TAF1B: variants seen among roughly 807,000 people sequenced by gnomAD.
TAF1B encodes the protein TATA box-binding protein-associated factor RNA polymerase I subunit B.
Under a neutral mutation model 83.9 loss-of-function variants are expected in TAF1B, and 61 were observed. The ratio of observed to expected loss-of-function variants is 0.73; its 90% CI spans 0.59 to 0.90. The LOEUF (loss-of-function observed/expected upper bound fraction) is 0.90. TAF1B is among the 40% of genes least tolerant of loss of function. The probability of loss-of-function intolerance (pLI) is 0.00; values close to 1 mark genes in which losing one functional copy is unlikely to be tolerated. For synonymous variants in TAF1B, 221 were observed against 224.6 expected, an observed-to-expected ratio of 0.98 and a Z score of 0.14; for missense variants, 625 against 677.0, an observed-to-expected ratio of 0.92 and a Z score of 0.85.
rs184984626 is a variant in TAF1B, at chr2:9,864,969, C to T, written c.400-3307C>T. The stretch of plus-strand genomic sequence containing the variant: ...ATAATAAGAGCTATCTATGACAAGC[C>T]CACAGCCAATATCATACTGAATGGA... On this transcript the variant is annotated intron_variant, in intron 5 of 14. Transcript: ENST00000263663. Among the ~76,000 whole-genome samples, 478 of 152,180 alleles carry T rather than the reference C, an allele frequency of 3.1e-3. 3 individuals carry two copies. The highest frequency in any genetic ancestry group is 0.011 in the African/African-American group (460 of 41,502).
At chr2:9,862,300 A>G (rs1663797881) in intron 5 of TAF1B, among the ~76,000 whole-genome samples, 1 of 152,254 alleles carries the variant, frequency 6.6e-6, no homozygotes, top group Non-Finnish European at 1.5e-5. Context: ...TGAGGAATGC[A>G]CAGTCCTCAC....
chr2:9,849,736 C>T (rs528544405), intron 3 of TAF1B, among the ~76,000 whole-genome samples: 47 of 152,242 alleles, frequency 3.1e-4, no homozygotes, highest in Admixed American at 1.3e-3. Flanking sequence ...AAATCCATTT[C>T]TTGTGTTGAA....
At chr2:9,928,806 CAG>C (rs1193849858) in intron 14 of TAF1B, among the ~76,000 whole-genome samples, 1 of 152,162 alleles carries the variant, frequency 6.6e-6, no homozygotes, top group East Asian at 1.9e-4. Context: ...CATGTACAAA[CAG>C]GGACAATTTG....
At chr2:9,850,439 G>A (rs1195358558) in intron 3 of TAF1B, among the ~76,000 whole-genome samples, 1 of 152,154 alleles carries the variant, frequency 6.6e-6, no homozygotes, top group Non-Finnish European at 1.5e-5. Context: ...TGCAGGAAGA[G>A]GGAGTATATG....
chr2:9,864,855 T>C (rs1194533272), intron 5 of TAF1B, among the ~76,000 whole-genome samples: 3 of 152,132 alleles, frequency 2.0e-5, no homozygotes, highest in African/African-American at 4.8e-5. Context: ...ATTATCTCAA[T>C]AGATGCAGAA....
At position 9,903,473 on chromosome 2, in the gene TAF1B, A is replaced by C. The variant is rs184809894; in HGVS notation, c.808-1386A>C. ...ATTAGGAATGTTTATAAATTGCAAA[A>C]ATACAAATGGTATATGCAAAAAACT... On this transcript the variant is annotated intron_variant, in intron 8 of 14. Transcript: ENST00000263663. 5.9e-5 allele frequency among the ~76,000 whole-genome samples: 9 copies of C among 152,328 alleles called. No individual in the cohort carries two copies. In the East Asian group the frequency reaches 1.5e-3, roughly 26 times the overall value.
intron 7 of TAF1B, among the ~76,000 whole-genome samples, chr2:9,881,103 G>A (rs1052026932): frequency 2.6e-5 from 4 of 152,116 alleles, no homozygotes; most frequent in African/African-American, 7.2e-5. Context: ...GGAGGCTAAG[G>A]CAGGCAGATC....
intron 14 of TAF1B, among the ~76,000 whole-genome samples, chr2:9,920,534 T>C (rs1665842839): frequency 7.3e-6 from 1 of 137,738 alleles, no homozygotes; most frequent in South Asian, 2.5e-4. Flanking sequence ...TGCCGTGTCC[T>C]CCTCAGGGTA....
In TAF1B at chr2:9,914,251, T is replaced by C. The variant is rs1195640259; in HGVS notation, c.1271+1002T>C. 1.3e-5 allele frequency among the ~76,000 whole-genome samples: 2 copies of C among 152,090 alleles called. No homozygotes were observed. Among genetic ancestry groups the C allele is most frequent in the African/African-American group, 2.4e-5 (1 of 41,402 alleles). ...ACAGGTTCCCTCTCAGTAGGCAGGATTGATGCACAATGAAGAAGAGGGGTG... is the reference window on the plus strand; with the variant it reads ...ACAGGTTCCCTCTCAGTAGGCAGGACTGATGCACAATGAAGAAGAGGGGTG... On this transcript the variant is annotated intron_variant, in intron 12 of 14. Transcript: ENST00000263663. The surrounding 1 kb of genome is among the most constrained non-coding windows in gnomAD (Gnocchi z 4.3).
intron 9 of TAF1B, among the ~76,000 whole-genome samples, chr2:9,907,037 C>T (rs1193372449): frequency 6.6e-6 from 1 of 152,032 alleles, no homozygotes; most frequent in Non-Finnish European, 1.5e-5. Context: ...ACCACCATAC[C>T]TGGCTAGTTT....
intron 6 of TAF1B, among the ~76,000 whole-genome samples, chr2:9,871,358 A>C (rs150243761): frequency 1.1e-3 from 161 of 152,280 alleles, no homozygotes; most frequent in Non-Finnish European, 2.0e-3. Flanking sequence ...CTGGGATTGT[A>C]GGCGTAAGCT....
intron 13 of TAF1B, 31 bp downstream of exon 13, chr2:9,919,142 G>A (rs752028922): frequency 6.4e-5 from 100 of 1,552,616 alleles, no homozygotes; most frequent in Non-Finnish European, 8.6e-5. Flanking sequence ...TTAATACCAA[G>A]TAGCAACACA....
chr2:9,851,582 A>G lies in TAF1B; in HGVS notation c.247A>G (p.Ile83Val). 6.2e-7 allele frequency: 1 copy of G among 1,612,880 alleles called. No homozygotes were observed. The highest frequency in any genetic ancestry group is 1.3e-5 in the African/African-American group (1 of 74,986). ...DWYVCEGFQY[I>V]LYQQAEALKN... Reference sequence around the variant, plus strand: ...GTATGTGTGTGAAGGTTTCCAGTATATTCTTTATCAACAAGCAGAAGCCTT... The same window carrying G: ...GTATGTGTGTGAAGGTTTCCAGTATGTTCTTTATCAACAAGCAGAAGCCTT... The change falls in exon 4 of 15, where the codon ATT becomes GTT. Residue 83 changes from isoleucine to valine, a missense_variant. By Grantham distance (29) the Ile-to-Val change is conservative. Transcript: ENST00000263663.
intron 6 of TAF1B, chr2:9,868,793 A>G (rs1664078902): frequency 8.3e-5 from 37 of 444,408 alleles, no homozygotes; most frequent in South Asian, 6.4e-4. Context: ...TAAAATAGAC[A>G]AAGATGGTAT....
In TAF1B at chr2:9,910,834, G is replaced by A. The variant is rs1216229654; in HGVS notation, c.1054G>A (p.Val352Ile). Residue 352 changes from valine to isoleucine, a missense_variant, in exon 10 of 15, where the codon GTT (valine) becomes ATT (isoleucine). Transcript: ENST00000263663. ...TCCTATAGCTAAAATGGCAAAAACT[G>A]TTAAGTACGATGTACAAGCTGTAGC... Reference protein sequence around the residue: ...FDPIAKMAKTVKYDVQAVAII... With the variant: ...FDPIAKMAKTIKYDVQAVAII... The A allele has an allele frequency of 6.2e-7, 1 of 1,613,630 alleles. No individual in the cohort carries two copies. The highest frequency in any genetic ancestry group is 1.7e-5 in the Admixed American group (1 of 59,946).
At chr2:9,930,816 G>C (rs1666187869) in intron 14 of TAF1B, among the ~76,000 whole-genome samples, 1 of 152,150 alleles carries the variant, frequency 6.6e-6, no homozygotes, top group Admixed American at 6.5e-5. Flanking sequence ...AGTCTTTGTA[G>C]GTCTCTGAGG....
At chr2:9,916,278 A>C (rs1665678808) in intron 12 of TAF1B, among the ~76,000 whole-genome samples, 1 of 152,234 alleles carries the variant, frequency 6.6e-6, no homozygotes, top group South Asian at 2.1e-4. Flanking sequence ...TATAGATAAC[A>C]TGTAACTGGA....
intron 1 of TAF1B, among the ~76,000 whole-genome samples, chr2:9,844,088 A>C (rs781665206): frequency 2.0e-5 from 3 of 152,176 alleles, no homozygotes; most frequent in Non-Finnish European, 4.4e-5. Context: ...ACACTTTACC[A>C]AGTTGCCAAA....
chr2:9,932,943 G>A (rs971265580), intron 14 of TAF1B, among the ~76,000 whole-genome samples: 2 of 152,230 alleles, frequency 1.3e-5, no homozygotes, highest in African/African-American at 4.8e-5. Context: ...TGCACTAGCA[G>A]TGAGCAAGGC....
Sources: allele counts gnomAD v4.1 joint callset (sites outside exome capture counted in the v4.1 genomes callset), GRCh38; gene constraint gnomAD v4.1.1; non-coding constraint Gnocchi (gnomAD v3.1); transcripts MANE v1.5; gene names NCBI Gene and HGNC (gene_info 2026-07-23, HGNC 2026-07-21).